Variants in SMC4 observed in about 807,000 individuals in gnomAD.
SMC4 encodes the protein structural maintenance of chromosomes protein 4.
A neutral mutation model predicts 145.6 loss-of-function variants in SMC4; 87 were observed. The ratio of observed to expected loss-of-function variants is 0.60; its 90% CI spans 0.50 to 0.71. SMC4 has a LOEUF of 0.71. SMC4 is among the 30% of genes least tolerant of loss of function. SMC4 has a pLI of 0.00. For missense variants in SMC4, 1,447 were observed against 1,537.1 expected (o/e 0.94, Z 0.98); for synonymous variants, 558 against 500.7 (o/e 1.11, Z -1.53).
rs938965131 is a variant in SMC4, at chr3:160,434,874, C to A, written c.*1065C>A. On this transcript the variant is annotated 3_prime_UTR_variant, in exon 24 of 24. Transcript: ENST00000357388. ...TGTTTTAGATATTTAAAAAATCCAA[C>A]AGTTTCTATCATAATGTAACTGTAA... 6.6e-6 allele frequency: 1 copy of A among 152,124 alleles called. No individual in the cohort carries two copies. The allele number at this position is 152,124 out of a possible 1,614,324, so 9.4% of individuals were successfully genotyped here. A position where few individuals can be genotyped will look rare whatever the true frequency, so the allele number is the denominator to read the frequency against.
Position 160,417,866 on chromosome 3 carries a change from A to T in SMC4, c.1581A>T (p.Leu527=). Residue 527 remains leucine, a synonymous_variant, in exon 11 of 24, where the codon CTA becomes CTT. Coordinates refer to ENST00000357388, the MANE Select transcript of SMC4 (RefSeq NM_001002800.3). Reference sequence around the variant, plus strand: ...AATTAACTAAGGCTAAGGAAGCTCTAATTGCAGCTTCTGAGACTCTCAAAG... The same window carrying T: ...AATTAACTAAGGCTAAGGAAGCTCTTATTGCAGCTTCTGAGACTCTCAAAG... The part of the protein sequence containing the change: ...VSQLTKAKEA[L]IAASETLKER... The T allele has an allele frequency of 3.1e-6, 5 of 1,613,754 alleles. No individual in the cohort carries two copies. The highest frequency in any genetic ancestry group is 2.5e-6 in the Non-Finnish European group (3 of 1,179,800).
chr3:160,414,543 A>C, intron 9 of SMC4, 26 bp downstream of exon 9: 1 of 1,596,252 alleles, frequency 6.3e-7, no homozygotes, highest in South Asian at 1.1e-5. Flanking sequence ...AAATTCTTAA[A>C]ATTTCACGTC....
chr3:160,424,536 C>T (rs1177711434), intron 15 of SMC4, among the ~76,000 whole-genome samples: 3 of 152,198 alleles, frequency 2.0e-5, no homozygotes, highest in South Asian at 2.1e-4. Context: ...AGGCTGGGCG[C>T]GGTGGCTCAC....
chr3:160,410,414 A>G (rs1715856853), intron 5 of SMC4, among the ~76,000 whole-genome samples: 1 of 152,194 alleles, frequency 6.6e-6, no homozygotes, highest in African/African-American at 2.4e-5. Context: ...GTGTAATCCA[A>G]AGGTTTGGGC....
At chr3:160,410,733 T>C (rs1715894081) in intron 5 of SMC4, among the ~76,000 whole-genome samples, 2 of 152,188 alleles carry the variant, frequency 1.3e-5, no homozygotes. Context: ...TTGTTTACTT[T>C]TTGTAATTAT....
At chr3:160,422,847 TCAAACTACTCTTTCCATGTGGCTATC>T (rs1717328949) in intron 13 of SMC4, among the ~76,000 whole-genome samples, 1 of 152,168 alleles carries the variant, frequency 6.6e-6, no homozygotes, top group African/African-American at 2.4e-5. Flanking sequence ...AAAGTAGGGC[TCAAACTACTCTTTCCATGTGGCTATC>T]CAGTTATTCC....
intron 22 of SMC4, chr3:160,432,735 T>C (rs1718545447): frequency 1.9e-6 from 1 of 530,222 alleles, no homozygotes; most frequent in Non-Finnish European, 3.3e-6. Context: ...TCTTAAATTT[T>C]CAAGGCATTT....
In SMC4 at chr3:160,423,747, C is replaced by A. The variant is rs1717458325; in HGVS notation, c.2246-14C>A. On this transcript the variant is annotated splice_polypyrimidine_tract_variant and intron_variant, in intron 14 of 23. Coordinates refer to ENST00000357388, the MANE Select transcript of SMC4 (RefSeq NM_001002800.3). ...GGAGACATCTGAAGCTGACTTCTCT[C>A]CCCTGTTTTCCAGGTACAATGACTG... 5 of 1,612,036 alleles carry A rather than the reference C, an allele frequency of 3.1e-6. No individual in the cohort carries two copies. The highest frequency in any genetic ancestry group is 4.5e-5 in the East Asian group (2 of 44,848).
At position 160,414,887 on chromosome 3, in the gene SMC4, T is replaced by C. The variant is rs1206055982; in HGVS notation, c.1272+370T>C. The stretch of plus-strand genomic sequence containing the variant: ...CTAGCTTGACTTTGAGTTTTAAAGT[T>C]TATATTACAATAATATGTTATTGGG... On this transcript the variant is annotated intron_variant, in intron 9 of 23. Coordinates refer to ENST00000357388, the MANE Select transcript of SMC4 (RefSeq NM_001002800.3). Among the ~76,000 whole-genome samples the C allele has an allele frequency of 2.0e-5, 3 of 152,316 alleles. No individual in the cohort carries two copies. The East Asian group carries it at 5.8e-4, about 29-fold the overall frequency.
At position 160,417,876 on chromosome 3, in the gene SMC4, T is replaced by C; in HGVS notation, c.1591T>C (p.Ser531Pro). ...TKAKEALIAA[S>P]ETLKERKAAI... Reference sequence around the variant, plus strand: ...GGCTAAGGAAGCTCTAATTGCAGCTTCTGAGACTCTCAAAGAAAGGAAAGC... The same window carrying C: ...GGCTAAGGAAGCTCTAATTGCAGCTCCTGAGACTCTCAAAGAAAGGAAAGC... The change falls in exon 11 of 24, where the codon TCT becomes CCT. Residue 531 changes from serine to proline, a missense_variant. By Grantham distance (74) the Ser-to-Pro change is moderately conservative (BLOSUM62 -1). Transcript: ENST00000357388. The C allele has an allele frequency of 6.2e-7, 1 of 1,613,718 alleles. No homozygotes were observed. The highest frequency in any genetic ancestry group is 8.5e-7 in the Non-Finnish European group (1 of 1,179,792).
chr3:160,420,299 G>A (rs562778927), intron 12 of SMC4, among the ~76,000 whole-genome samples: 3 of 152,098 alleles, frequency 2.0e-5, no homozygotes, highest in East Asian at 1.9e-4. Context: ...ATCTTGTATC[G>A]GGACTTCCAC....
At chr3:160,432,561 A>G (rs907700118) in intron 22 of SMC4, 46 bp downstream of exon 22, 13 of 1,201,518 alleles carry the variant, frequency 1.1e-5, no homozygotes, top group Middle Eastern at 2.0e-4. Flanking sequence ...ACCTTTTTCT[A>G]CATATTCTCC....
In SMC4 at chr3:160,424,936, C is replaced by A. The variant is rs1304903148; in HGVS notation, c.2395C>A (p.Gln799Lys). The change falls in exon 16 of 24, where the codon CAA becomes AAA. Residue 799 changes from glutamine (Q) to lysine (K), a missense_variant. By Grantham distance (53) the Gln-to-Lys change is moderately conservative (BLOSUM62 1). Transcript: ENST00000357388. ...KAMQIQEQKV[Q>K]LEERVVKLRH... is the part of the protein sequence containing the mutation. ...AATGCAAATCCAAGAACAGAAAGTA[C>A]AACTTGAAGAAAGAGTAGTTAAGTT... 6.2e-7 allele frequency: 1 copy of A among 1,613,516 alleles called. No homozygotes were observed. Among genetic ancestry groups the A allele is most frequent in the South Asian group, 1.1e-5 (1 of 91,066 alleles).
rs1383096299 is a variant in SMC4, at chr3:160,432,467, T to A, written c.3482T>A (p.Leu1161His). The change falls in exon 22 of 24, where the codon CTC becomes CAC. Residue 1161 changes from leucine (L) to histidine (H), a missense_variant. Coordinates refer to ENST00000357388, the MANE Select transcript of SMC4 (RefSeq NM_001002800.3). ...QMLTLGGDAE[L>H]ELVDSLDPFS... ...CTTACTTTGGGAGGGGACGCCGAAC[T>A]CGAGCTTGTAGACAGCTTGGATCCT... The A allele has an allele frequency of 3.7e-6, 6 of 1,612,888 alleles. No individual in the cohort carries two copies. Among genetic ancestry groups the A allele is most frequent in the Non-Finnish European group, 5.1e-6 (6 of 1,179,550 alleles).
At chr3:160,404,532 C>A in intron 5 of SMC4, 28 bp downstream of exon 5, 2 of 1,599,602 alleles carry the variant, frequency 1.3e-6, no homozygotes, top group Non-Finnish European at 8.5e-7. Flanking sequence ...TTCAAAGATT[C>A]TCTTATTCTT....
chr3:160,428,652 A>G, intron 17 of SMC4, 101 bp from the exon 18 acceptor site: 10 of 1,074,014 alleles, frequency 9.3e-6, no homozygotes, highest in Middle Eastern at 3.1e-4. Context: ...ATTTGTTTTA[A>G]TGCATCACGT....
At chr3:160,404,691 A>G (rs775601972) in intron 5 of SMC4, 187 bp downstream of exon 5, 1 of 744,016 alleles carries the variant, frequency 1.3e-6, no homozygotes, top group Non-Finnish European at 2.5e-6. Context: ...TTCATTCAAA[A>G]CTATGTTTTC....
At chr3:160,424,679 C>T (rs933706458) in intron 15 of SMC4, among the ~76,000 whole-genome samples, 188 bp from the exon 16 acceptor site, 2 of 152,136 alleles carry the variant, frequency 1.3e-5, no homozygotes, top group Non-Finnish European at 2.9e-5. Context: ...TGGTGGCACG[C>T]ACCTGTAACA....
At chr3:160,427,780 A>T (rs1489594507) in intron 17 of SMC4, among the ~76,000 whole-genome samples, 1 of 152,184 alleles carries the variant, frequency 6.6e-6, no homozygotes. Flanking sequence ...AATCTGTGCA[A>T]ACATTTTATA....
Sources: gnomAD v4.1 joint callset for allele counts (sites outside exome capture counted in the v4.1 genomes callset) on GRCh38, gnomAD v4.1.1 for gene constraint, MANE v1.5 for transcripts, NCBI Gene and HGNC (gene_info 2026-07-23, HGNC 2026-07-21) for gene names.